Variants in GSE1 observed in about 807,000 individuals in gnomAD.
GSE1 encodes genetic suppressor element 1.
In GSE1, 32 loss-of-function variants were observed where a neutral mutation model predicts 112.6. That is an observed-to-expected ratio of 0.28 (90% CI 0.21 to 0.38). GSE1 has a LOEUF of 0.38. Ranked by LOEUF, GSE1 falls within the 10% of genes least tolerant of loss-of-function variation. The pLI is 1.00. For missense variants in GSE1, 2,348 were observed against 1,699.2 expected, an observed-to-expected ratio of 1.38 and a Z score of -6.71; for synonymous variants, 1,115 against 735.6, an observed-to-expected ratio of 1.52 and a Z score of -8.35.
chr16:85,642,541 A>G (rs1250144217), intron 2 of GSE1, among the ~76,000 whole-genome samples: 1 of 152,078 alleles, frequency 6.6e-6, no homozygotes, highest in Non-Finnish European at 1.5e-5. Context: ...GCTGCCCCTC[A>G]CCTGTGTCTC....
At chr16:85,567,382 C>T (rs990717153) in intron 1 of GSE1, among the ~76,000 whole-genome samples, 7 of 152,232 alleles carry the variant, frequency 4.6e-5, no homozygotes, top group Admixed American at 4.6e-4. Flanking sequence ...CCTGGGGCCT[C>T]AGCTGGGAAG....
chr16:85,296,696 C>T (rs919680909), intron 1 of GSE1, among the ~76,000 whole-genome samples: 3 of 152,208 alleles, frequency 2.0e-5, no homozygotes, highest in African/African-American at 4.8e-5. Context: ...TCTGTGCAAA[C>T]GACCTGGGCT....
intron 2 of GSE1, among the ~76,000 whole-genome samples, chr16:85,368,932 T>A (rs2047240113): frequency 6.6e-6 from 1 of 152,088 alleles, no homozygotes. Flanking sequence ...GAGGGGGTCC[T>A]GCCCAAGCAG....
intron 13 of GSE1, among the ~76,000 whole-genome samples, chr16:85,667,799 A>G (rs976874592): frequency 6.6e-6 from 1 of 152,146 alleles, no homozygotes; most frequent in South Asian, 2.1e-4. Context: ...GGGAAGTTGC[A>G]GTGAGCCGAG....
At chr16:85,426,080 T>C (rs1356965588) in intron 2 of GSE1, among the ~76,000 whole-genome samples, 1 of 90,918 alleles carries the variant, frequency 1.1e-5, no homozygotes, top group Admixed American at 1.5e-4. Context: ...GATGGGTAGA[T>C]GGATGGGTGA....
chr16:85,369,870 T>G (rs1015536426), intron 2 of GSE1, among the ~76,000 whole-genome samples: 1 of 152,228 alleles, frequency 6.6e-6, no homozygotes, highest in African/African-American at 2.4e-5. Flanking sequence ...GACTGGTCCC[T>G]CAGCCTCACG....
At chr16:85,387,380 C>T (rs909607078) in intron 2 of GSE1, among the ~76,000 whole-genome samples, 1 of 152,224 alleles carries the variant, frequency 6.6e-6, no homozygotes, top group South Asian at 2.1e-4. Flanking sequence ...CTCAACCCCC[C>T]ACGCATGCTG....
At chr16:85,521,118 C>T (rs372894517) in intron 2 of GSE1, among the ~76,000 whole-genome samples, 37 of 152,178 alleles carry the variant, frequency 2.4e-4, no homozygotes, top group African/African-American at 8.2e-4. Flanking sequence ...CCGGGCTGCA[C>T]CTCCGTCTTG....
rs75176378 is a variant in GSE1, at chr16:85,357,906, G to A, written c.2464+263G>A. Among the ~76,000 whole-genome samples, 1,149 of 152,182 alleles carry A rather than the reference G, an allele frequency of 7.6e-3. 22 individuals carry two copies. Among genetic ancestry groups the A allele is most frequent in the African/African-American group, 0.026 (1,081 of 41,514 alleles). ...CTGGGCTCCTGGGCTGCCTTTGTTTGTTTATTTACCTATACACTCTCTTGT... is the reference window on the plus strand; with the variant it reads ...CTGGGCTCCTGGGCTGCCTTTGTTTATTTATTTACCTATACACTCTCTTGT... On this transcript the variant is annotated intron_variant, in intron 2 of 2. Coordinates refer to the GSE1 transcript ENST00000637419.
intron 1 of GSE1, among the ~76,000 whole-genome samples, chr16:85,614,358 C>T (rs1048251955): frequency 2.0e-5 from 3 of 152,140 alleles, no homozygotes; most frequent in Admixed American, 1.3e-4. Flanking sequence ...AATTAAATTC[C>T]CTTCATGGAG....
At chr16:85,185,413 C>A (rs2074679789) in intron 1 of GSE1, 1 of 152,418 alleles carries the variant, frequency 6.6e-6, no homozygotes, top group Non-Finnish European at 1.5e-5. Flanking sequence ...GTGGCCAGAG[C>A]TGTGTCCCCG....
chr16:85,462,999 C>G, intron 2 of GSE1: 1 of 542,870 alleles, frequency 1.8e-6, no homozygotes, highest in South Asian at 7.9e-5. Context: ...CCCGTGACGC[C>G]CCTACTGCTC....
intron 2 of GSE1, among the ~76,000 whole-genome samples, chr16:85,363,603 C>A (rs561493955): frequency 3.3e-5 from 5 of 152,240 alleles, no homozygotes; most frequent in African/African-American, 1.2e-4. Flanking sequence ...AAGGAGGGAG[C>A]GAGGGTAATC....
At chr16:85,309,821 C>T (rs532702514) in intron 1 of GSE1, among the ~76,000 whole-genome samples, 5 of 152,382 alleles carry the variant, frequency 3.3e-5, no homozygotes, top group South Asian at 4.1e-4. Context: ...GAAGGGTGGA[C>T]GCGGCCAAGA....
At chr16:85,212,999 G>C (rs1440027806) in intron 1 of GSE1, among the ~76,000 whole-genome samples, 1 of 152,114 alleles carries the variant, frequency 6.6e-6, no homozygotes, top group Non-Finnish European at 1.5e-5. Context: ...TGCCGGATGT[G>C]GTGGCTCACT....
intron 2 of GSE1, among the ~76,000 whole-genome samples, chr16:85,537,505 G>A (rs1042154333): frequency 1.3e-5 from 2 of 152,182 alleles, no homozygotes; most frequent in Non-Finnish European, 2.9e-5. Flanking sequence ...TGAAAGCTGG[G>A]GCCCAGCTCA....
Position 85,557,158 on chromosome 16 carries a change from CGAGG to C in GSE1, c.37+799_37+802del, listed in dbSNP as rs1381043471. Among the ~76,000 whole-genome samples the C allele has an allele frequency of 8.5e-5, 13 of 152,126 alleles. 1 individual carries two copies. Among genetic ancestry groups the C allele is most frequent in the Admixed American group, 8.5e-4 (13 of 15,290 alleles). On this transcript the variant is annotated intron_variant, in intron 1 of 2. Transcript: ENST00000635906. Reference sequence around the variant, plus strand: ...GAAGCTGGTGATCCAGGAATTCAGGCGAGGGAGCCCTGGGTGGTGAACCCCAGGG... The same window carrying C: ...GAAGCTGGTGATCCAGGAATTCAGGCGAGCCCTGGGTGGTGAACCCCAGGG...
intron 2 of GSE1, among the ~76,000 whole-genome samples, chr16:85,382,983 ACACATGTG>A (rs889827304): frequency 7.6e-5 from 9 of 118,132 alleles, no homozygotes; most frequent in African/African-American, 3.3e-4. Context: ...GCTCACACGC[ACACATGTG>A]CACATACAAC....
Position 85,366,428 on chromosome 16 carries a change from C to T in GSE1, c.2464+8785C>T, listed in dbSNP as rs138439651. ...GCTGGGATCCATAGTCTGTTTCCCTCTCCACGACCAATCTATTTATCTTCT... is the reference window on the plus strand; with the variant it reads ...GCTGGGATCCATAGTCTGTTTCCCTTTCCACGACCAATCTATTTATCTTCT... On this transcript the variant is annotated intron_variant, in intron 2 of 2. Transcript: ENST00000637419. Among the ~76,000 whole-genome samples the T allele has an allele frequency of 8.5e-4, 129 of 152,398 alleles. 1 individual carries two copies. Among genetic ancestry groups the T allele is most frequent in the African/African-American group, 2.9e-3 (119 of 41,602 alleles).
Sources: allele counts gnomAD v4.1 joint callset (sites outside exome capture counted in the v4.1 genomes callset), GRCh38; gene constraint gnomAD v4.1.1; transcripts MANE v1.5; gene names NCBI Gene and HGNC (gene_info 2026-07-23, HGNC 2026-07-21).